Variants in ZNF148 observed in about 807,000 individuals in gnomAD.
ZNF148 encodes the protein zinc finger protein 148.
ZNF148 carries 7 observed loss-of-function variants against 67.7 expected under a neutral mutation model. The ratio of observed to expected loss-of-function variants is 0.10; its 90% CI spans 0.06 to 0.19. The LOEUF (loss-of-function observed/expected upper bound fraction) is 0.19, where lower values mean the gene tolerates loss of function less well. ZNF148 is among the 10% of genes least tolerant of loss of function. The pLI is 1.00. For synonymous variants in ZNF148, 333 were observed against 330.7 expected, an observed-to-expected ratio of 1.01 and a Z score of -0.08; for missense variants, 583 against 947.1, an observed-to-expected ratio of 0.62 and a Z score of 5.05.
intron 1 of ZNF148, among the ~76,000 whole-genome samples, chr3:125,372,012 C>G (rs534123710): frequency 6.7e-6 from 1 of 149,574 alleles, no homozygotes; most frequent in African/African-American, 2.5e-5. Flanking sequence ...TGCAGTGAGC[C>G]GAGATCACAC....
intron 7 of ZNF148, among the ~76,000 whole-genome samples, chr3:125,272,051 C>T (rs1252809953): frequency 6.6e-6 from 1 of 152,152 alleles, no homozygotes; most frequent in Non-Finnish European, 1.5e-5. Context: ...CATACCTTTG[C>T]TTTACTACCT....
At chr3:125,249,736 G>T (rs1936756332) in intron 7 of ZNF148, among the ~76,000 whole-genome samples, 1 of 152,156 alleles carries the variant, frequency 6.6e-6, no homozygotes, top group African/African-American at 2.4e-5. Context: ...ATTCACTGTA[G>T]CATTATTCAC....
At chr3:125,289,312 C>T (rs951462318) in intron 4 of ZNF148, among the ~76,000 whole-genome samples, 22 of 152,100 alleles carry the variant, frequency 1.4e-4, no homozygotes, top group African/African-American at 5.1e-4. Context: ...AAAAATGCAA[C>T]CTAAGCCAGG....
chr3:125,301,478 T>C (rs1939584151), intron 4 of ZNF148, among the ~76,000 whole-genome samples: 1 of 152,206 alleles, frequency 6.6e-6, no homozygotes, highest in Non-Finnish European at 1.5e-5. Flanking sequence ...ACTTCAAATG[T>C]CACCAAACAC....
intron 1 of ZNF148, among the ~76,000 whole-genome samples, chr3:125,333,910 T>C (rs768084533): frequency 1.3e-5 from 2 of 152,202 alleles, no homozygotes; most frequent in Admixed American, 6.5e-5. Flanking sequence ...TAGGGAACTA[T>C]TGTATTTTAA....
chr3:125,328,562 CCATA>C (rs1373821699), intron 2 of ZNF148, among the ~76,000 whole-genome samples: 17 of 151,482 alleles, frequency 1.1e-4, no homozygotes, highest in African/African-American at 3.6e-4. Flanking sequence ...ATGTATGTTA[CCATA>C]AATATACACT....
chr3:125,256,967 GTTTTTT>G lies in ZNF148; in HGVS notation c.667+20753_667+20758del, dbSNP rs10576530. ...TATGTTTTCAGTTCCAGAACTTCCA[GTTTTTT>G]TTTTTTTTTTTTTTTTTTACAAACT... On this transcript the variant is annotated intron_variant, in intron 7 of 8. Coordinates refer to ENST00000360647, the MANE Select transcript of ZNF148 (RefSeq NM_021964.3). Among the ~76,000 whole-genome samples the G allele has an allele frequency of 1.1e-4, 12 of 108,120 alleles. No individual in the cohort carries two copies. In the East Asian group the frequency reaches 1.1e-3, roughly 10 times the overall value. 70.9% of individuals were successfully genotyped at this position (108,120 alleles called of 152,430 possible).
intron 2 of ZNF148, among the ~76,000 whole-genome samples, chr3:125,327,541 C>A (rs1941084492): frequency 6.6e-6 from 1 of 152,184 alleles, no homozygotes; most frequent in African/African-American, 2.4e-5. Context: ...GTTGTCTGAG[C>A]CGCACAACGT....
At chr3:125,280,356 A>G (rs1200895440) in intron 5 of ZNF148, among the ~76,000 whole-genome samples, 1 of 151,992 alleles carries the variant, frequency 6.6e-6, no homozygotes, top group African/African-American at 2.4e-5. Context: ...ATGTATTCCA[A>G]TTTATCAACA....
chr3:125,344,035 G>C (rs1196580536), intron 1 of ZNF148: 3 of 167,808 alleles, frequency 1.8e-5, no homozygotes, highest in African/African-American at 7.2e-5. Context: ...TTCAAATGGT[G>C]CTTGTTATAG....
intron 4 of ZNF148, among the ~76,000 whole-genome samples, chr3:125,293,175 T>C (rs1452587539): frequency 6.6e-6 from 1 of 151,444 alleles, no homozygotes; most frequent in East Asian, 1.9e-4. Context: ...CTCTGAGGAG[T>C]CCTCAGTATT....
In ZNF148 at chr3:125,345,561, T is replaced by G. The variant is rs554099048; in HGVS notation, c.-233-14323A>C. 4.8e-5 allele frequency among the ~76,000 whole-genome samples: 7 copies of G among 145,298 alleles called. No homozygotes were observed. In the South Asian group the frequency reaches 1.3e-3, roughly 27 times the overall value. ...AGAGAAAATCAATTAAGCAAAAAAT[T>G]TGTAAGCCTCTATCAAAACTAACAA... On this transcript the variant is annotated intron_variant, in intron 1 of 8. Transcript: ENST00000360647.
At chr3:125,240,351 TAC>T (rs1300299479) in intron 7 of ZNF148, among the ~76,000 whole-genome samples, 1 of 152,092 alleles carries the variant, frequency 6.6e-6, no homozygotes, top group East Asian at 1.9e-4. Flanking sequence ...AATGAATAAA[TAC>T]ACACATACAT....
chr3:125,234,462 C>T, intron 7 of ZNF148, 133 bp from the exon 8 acceptor site: 1 of 666,392 alleles, frequency 1.5e-6, no homozygotes, highest in Non-Finnish European at 2.6e-6. Flanking sequence ...ATATATTTTG[C>T]TTTATAAAAA....
At chr3:125,255,583 CT>C (rs201669098) in intron 7 of ZNF148, among the ~76,000 whole-genome samples, 14 of 151,070 alleles carry the variant, frequency 9.3e-5, no homozygotes, top group East Asian at 1.9e-4. Context: ...CATATGGGAT[CT>C]TTTTTTTTCA....
intron 4 of ZNF148, among the ~76,000 whole-genome samples, chr3:125,301,319 C>T: frequency 6.6e-6 from 1 of 151,988 alleles, no homozygotes; most frequent in Non-Finnish European, 1.5e-5. Flanking sequence ...ACAGCGAGAC[C>T]CCATCACTAT....
In ZNF148 at chr3:125,232,564, T is replaced by C. The variant is rs1256925408; in HGVS notation, c.2162A>G (p.His721Arg). 6.2e-7 allele frequency: 1 copy of C among 1,613,750 alleles called. No individual in the cohort carries two copies. The highest frequency in any genetic ancestry group is 2.2e-5 in the East Asian group (1 of 44,874). Residue 721 changes from histidine to arginine, a missense_variant, in exon 9 of 9, where the codon CAC becomes CGC. This residue lies in a region of ZNF148 where 158 missense variants were observed against 208.4 expected (regional missense o/e 0.76). Coordinates refer to ENST00000360647, the MANE Select transcript of ZNF148 (RefSeq NM_021964.3). The surrounding 1 kb of genome is among the most constrained non-coding windows in gnomAD (Gnocchi z 4.2). ...SQKKAEAQPV[H>R]QAYQMSSFEQ... Reference sequence around the variant, plus strand: ...AAAGGAGCTCATTTGGTAAGCTTGGTGGACAGGCTGGGCCTCAGCTTTCTT... The same window carrying C: ...AAAGGAGCTCATTTGGTAAGCTTGGCGGACAGGCTGGGCCTCAGCTTTCTT...
intron 5 of ZNF148, among the ~76,000 whole-genome samples, chr3:125,280,046 T>C (rs1370789592): frequency 6.6e-6 from 1 of 152,096 alleles, no homozygotes; most frequent in Non-Finnish European, 1.5e-5. Flanking sequence ...GTAGAATTTA[T>C]GGTCTGTTTC....
intron 1 of ZNF148, among the ~76,000 whole-genome samples, chr3:125,353,865 G>C (rs1481855552): frequency 1.3e-5 from 2 of 152,214 alleles, no homozygotes; most frequent in Non-Finnish European, 2.9e-5. Flanking sequence ...CGTGAGCCTA[G>C]GAGTTTGAGA....
Sources: allele counts gnomAD v4.1 joint callset (sites outside exome capture counted in the v4.1 genomes callset), GRCh38; gene constraint gnomAD v4.1.1; regional missense constraint gnomAD v4.1.1; non-coding constraint Gnocchi (gnomAD v3.1); transcripts MANE v1.5; gene names NCBI Gene and HGNC (gene_info 2026-07-23, HGNC 2026-07-21).